The following NT5C3A variants were observed in gnomAD, a reference collection of about 807,000 sequenced individuals.
NT5C3A encodes the protein cytosolic 5'-nucleotidase 3A.
Under a neutral mutation model 40.0 loss-of-function variants are expected in NT5C3A, and 23 were observed. The ratio of observed to expected loss-of-function variants is 0.58; its 90% CI spans 0.41 to 0.81. The LOEUF is 0.81. NT5C3A is among the 40% of genes least tolerant of loss of function. The pLI is 0.00. For synonymous variants in NT5C3A, 130 were observed against 141.4 expected, an observed-to-expected ratio of 0.92 and a Z score of 0.57; for missense variants, 328 against 403.0, an observed-to-expected ratio of 0.81 and a Z score of 1.59.
intron 1 of NT5C3A, among the ~76,000 whole-genome samples, chr7:33,033,058 AATTT>A (rs1786371792): frequency 6.6e-6 from 1 of 152,198 alleles, no homozygotes; most frequent in Non-Finnish European, 1.5e-5. Flanking sequence ...AGCCTCAGTG[AATTT>A]TAAATCACCT....
At chr7:33,042,283 T>C (rs1786957947) in intron 1 of NT5C3A, among the ~76,000 whole-genome samples, 2 of 152,102 alleles carry the variant, frequency 1.3e-5, no homozygotes, top group South Asian at 2.1e-4. Context: ...TGAGCTGAGA[T>C]TGCGCCACTG....
intron 1 of NT5C3A, among the ~76,000 whole-genome samples, chr7:33,047,996 A>ATGTGTGTG (rs10582277): frequency 6.6e-6 from 1 of 150,436 alleles, no homozygotes; most frequent in African/African-American, 2.4e-5. Context: ...TTATATGTGT[A>ATGTGTGTG]TGTGTGTGTG....
intron 1 of NT5C3A, among the ~76,000 whole-genome samples, chr7:33,028,862 T>C (rs747831198): frequency 1.3e-5 from 2 of 152,266 alleles, no homozygotes; most frequent in South Asian, 4.1e-4. Context: ...GAGACCATCC[T>C]GGCTAACATG....
chr7:33,061,141 G>A (rs1787757635), intron 1 of NT5C3A, among the ~76,000 whole-genome samples: 1 of 152,178 alleles, frequency 6.6e-6, no homozygotes, highest in Non-Finnish European at 1.5e-5. Context: ...AGCACAGGCA[G>A]GGAGATATGG....
In NT5C3A at chr7:33,014,743, T is replaced by C. The variant is rs776364884; in HGVS notation, c.983A>G (p.Gln328Arg). The part of the protein sequence containing the change: ...ESLEVANSIL[Q>R]KIL ...GAGAATGCTTGTTTATAGAATCTTC[T>C]GTAAAATAGAGTTGGCTACTTCTAA... Residue 328 changes from glutamine (Q) to arginine (R), a missense_variant, in exon 9 of 9, where the codon CAG (glutamine) becomes CGG (arginine). Transcript: ENST00000610140. 3 of 1,612,292 alleles carry C rather than the reference T, an allele frequency of 1.9e-6. No homozygotes were observed. The highest frequency in any genetic ancestry group is 2.5e-6 in the Non-Finnish European group (3 of 1,179,690).
At chr7:33,044,430 C>A (rs1787061118) in intron 1 of NT5C3A, among the ~76,000 whole-genome samples, 1 of 152,038 alleles carries the variant, frequency 6.6e-6, no homozygotes, top group Non-Finnish European at 1.5e-5. Flanking sequence ...TATGGAAGTA[C>A]GAAGTTGTAA....
intron 1 of NT5C3A, among the ~76,000 whole-genome samples, chr7:33,054,091 CAT>C: frequency 6.6e-6 from 1 of 152,238 alleles, no homozygotes; most frequent in South Asian, 2.1e-4. Flanking sequence ...CATGGTGGCA[CAT>C]GTCTGTAATC....
At chr7:33,028,980 G>A (rs184322483) in intron 1 of NT5C3A, among the ~76,000 whole-genome samples, 6 of 151,874 alleles carry the variant, frequency 4.0e-5, no homozygotes, top group East Asian at 1.9e-4. Context: ...GCGTAAACCC[G>A]GGAGGCAGAG....
At chr7:33,057,412 A>G (rs960833458) in intron 1 of NT5C3A, among the ~76,000 whole-genome samples, 1 of 151,978 alleles carries the variant, frequency 6.6e-6, no homozygotes, top group African/African-American at 2.4e-5. Context: ...AGTCCTGGCT[A>G]CTCTGAAGGC....
chr7:33,017,765 A>C (rs1444112737), intron 6 of NT5C3A, among the ~76,000 whole-genome samples, 164 bp from the exon 7 acceptor site: 1 of 152,254 alleles, frequency 6.6e-6, no homozygotes, highest in East Asian at 1.9e-4. Flanking sequence ...CAATACTACA[A>C]GTTTTTCAAA....
At chr7:33,033,323 T>C (rs912363912) in intron 1 of NT5C3A, among the ~76,000 whole-genome samples, 2 of 152,236 alleles carry the variant, frequency 1.3e-5, no homozygotes, top group African/African-American at 4.8e-5. Flanking sequence ...CACACATAGA[T>C]GATTCTCAGA....
At position 33,062,564 on chromosome 7, in the gene NT5C3A, T is replaced by C; in HGVS notation, c.138+4A>G. ...CTCTGGGCGCGCCGAGCCTCCACAC[T>C]CACCATCTCGATGATCTTGGTCTTC... On this transcript the variant is annotated splice_donor_region_variant and intron_variant, in intron 1 of 8. Transcript: ENST00000610140. 3 of 1,609,714 alleles carry C rather than the reference T, an allele frequency of 1.9e-6. No homozygotes were observed. Among genetic ancestry groups the C allele is most frequent in the South Asian group, 1.1e-5 (1 of 90,820 alleles).
intron 2 of NT5C3A, 61 bp from the exon 3 acceptor site, chr7:33,024,169 G>C: frequency 2.2e-6 from 2 of 927,134 alleles, no homozygotes; most frequent in Non-Finnish European, 3.5e-6. Context: ...GAATTTCTCT[G>C]TGCTACCCAA....
intron 1 of NT5C3A, chr7:33,035,939 T>C (rs1435021146): frequency 6.2e-7 from 1 of 1,613,090 alleles, no homozygotes; most frequent in Non-Finnish European, 8.5e-7. Context: ...CCCACCATTT[T>C]CACATGTACG....
chr7:33,045,430 C>A (rs912771296), intron 1 of NT5C3A, among the ~76,000 whole-genome samples: 1 of 151,876 alleles, frequency 6.6e-6, no homozygotes, highest in African/African-American at 2.4e-5. Flanking sequence ...AATCATTTAT[C>A]ATATTTTTTG....
chr7:33,062,753 G>C lies in NT5C3A; in HGVS notation c.-48C>G. 6.5e-7 allele frequency: 1 copy of C among 1,548,686 alleles called. No individual in the cohort carries two copies. Among genetic ancestry groups the C allele is most frequent in the Non-Finnish European group, 8.7e-7 (1 of 1,146,510 alleles). ...CAAGCAGGAAAAAAACAGGCAGCTCGCGTAGACTGCGAGTCTCGGAAGCGC... is the reference window on the plus strand; with the variant it reads ...CAAGCAGGAAAAAAACAGGCAGCTCCCGTAGACTGCGAGTCTCGGAAGCGC... On this transcript the variant is annotated 5_prime_UTR_variant, in exon 1 of 9. Coordinates refer to ENST00000610140, the MANE Select transcript of NT5C3A (RefSeq NM_001002010.5).
Position 33,046,897 on chromosome 7 carries a change from G to A in NT5C3A, c.138+15671C>T, listed in dbSNP as rs75186674. Among the ~76,000 whole-genome samples, 143 of 151,156 alleles carry A rather than the reference G, an allele frequency of 9.5e-4. 3 individuals carry two copies. The East Asian group carries it at 0.025, about 27-fold the overall frequency. On this transcript the variant is annotated intron_variant, in intron 1 of 8. Coordinates refer to ENST00000610140, the MANE Select transcript of NT5C3A (RefSeq NM_001002010.5). ...TGGCTCACTGCAGCCTCTGCTTCCCGGGTTCAAACAATTCTACTGCCTTAG... is the reference window on the plus strand; with the variant it reads ...TGGCTCACTGCAGCCTCTGCTTCCCAGGTTCAAACAATTCTACTGCCTTAG...
Position 33,014,162 on chromosome 7 carries a change from A to C in NT5C3A, c.*568T>G. The C allele has an allele frequency of 4.5e-6, 2 of 444,946 alleles. No homozygotes were observed. Among genetic ancestry groups the C allele is most frequent in the South Asian group, 3.2e-5 (2 of 61,982 alleles). 27.6% of individuals were successfully genotyped at this position (444,946 alleles called of 1,614,324 possible). A position where few individuals can be genotyped will look rare whatever the true frequency, so the allele number is the denominator to read the frequency against. Reference sequence around the variant, plus strand: ...GGTTTTGCATTTCATATTTATTATCAGTGCTTCAATATAGAATGTTTTGTA... The same window carrying C: ...GGTTTTGCATTTCATATTTATTATCCGTGCTTCAATATAGAATGTTTTGTA... On this transcript the variant is annotated 3_prime_UTR_variant, in exon 9 of 9. Coordinates refer to ENST00000610140, the MANE Select transcript of NT5C3A (RefSeq NM_001002010.5).
chr7:33,023,548 C>T (rs763771164), intron 3 of NT5C3A, among the ~76,000 whole-genome samples: 61 of 152,176 alleles, frequency 4.0e-4, no homozygotes, highest in African/African-American at 1.3e-3. Flanking sequence ...CATGAGTGAC[C>T]GCACCCAGCC....
Sources: gnomAD v4.1 joint callset for allele counts (sites outside exome capture counted in the v4.1 genomes callset) on GRCh38, gnomAD v4.1.1 for gene constraint, MANE v1.5 for transcripts, NCBI Gene and HGNC (gene_info 2026-07-23, HGNC 2026-07-21) for gene names.